CELF4: variants seen among roughly 807,000 people sequenced by gnomAD.
The protein encoded by CELF4 is CUG-BP- and ETR-3-like factor 4.
In CELF4, 18 loss-of-function variants were observed where a neutral mutation model predicts 59.9. The observed-to-expected ratio is 0.30, with a 90% CI of 0.21 to 0.45. CELF4 has a LOEUF of 0.45. CELF4 is among the 20% of genes least tolerant of loss of function. The probability of loss-of-function intolerance (pLI) is 1.00; values close to 1 mark genes in which losing one functional copy is unlikely to be tolerated. For missense variants in CELF4, 456 were observed against 689.0 expected, an observed-to-expected ratio of 0.66 and a Z score of 3.79; for synonymous variants, 261 against 267.1, an observed-to-expected ratio of 0.98 and a Z score of 0.22.
chr18:37,394,611 G>A (rs561977309), intron 2 of CELF4, among the ~76,000 whole-genome samples: 5 of 152,336 alleles, frequency 3.3e-5, no homozygotes, highest in Admixed American at 6.5e-5. Flanking sequence ...TAGAGACACA[G>A]ATGTCTTCAT....
At chr18:37,537,445 T>G (rs2154605306) in intron 1 of CELF4, among the ~76,000 whole-genome samples, 1 of 152,274 alleles carries the variant, frequency 6.6e-6, no homozygotes, top group Admixed American at 6.5e-5. Context: ...AAGGGCAACC[T>G]GAGTGCTAAC....
intron 2 of CELF4, among the ~76,000 whole-genome samples, chr18:37,484,692 G>T (rs967010717): frequency 6.6e-6 from 1 of 152,236 alleles, no homozygotes; most frequent in South Asian, 2.1e-4. Context: ...AAATGGAAAC[G>T]TGTGTTTACA....
intron 3 of CELF4, among the ~76,000 whole-genome samples, chr18:37,302,970 G>A (rs2096164247): frequency 6.6e-6 from 1 of 152,150 alleles, no homozygotes; most frequent in East Asian, 1.9e-4. Context: ...GAGTGGGAAG[G>A]GGGCTCCATC....
At chr18:37,307,472 T>TC (rs1407735648) in intron 3 of CELF4, among the ~76,000 whole-genome samples, 1 of 151,488 alleles carries the variant, frequency 6.6e-6, no homozygotes, top group Admixed American at 6.6e-5. Flanking sequence ...CTATAAATCT[T>TC]CCCCCCGTCC....
At chr18:37,448,977 A>G (rs940859543) in intron 2 of CELF4, among the ~76,000 whole-genome samples, 8 of 152,098 alleles carry the variant, frequency 5.3e-5, no homozygotes, top group Non-Finnish European at 1.0e-4. Flanking sequence ...AGCTCCCCCA[A>G]TGGGTTTGTC....
intron 3 of CELF4, among the ~76,000 whole-genome samples, chr18:37,303,936 G>A (rs1047480368): frequency 6.6e-6 from 1 of 152,196 alleles, no homozygotes; most frequent in African/African-American, 2.4e-5. Flanking sequence ...AGCATCATAG[G>A]AGAAGGCTTC....
intron 2 of CELF4, among the ~76,000 whole-genome samples, chr18:37,346,660 G>A (rs183608141): frequency 6.6e-6 from 1 of 152,296 alleles, no homozygotes; most frequent in East Asian, 1.9e-4. Context: ...AGGAAGCATC[G>A]CAGAGGAGTG....
intron 2 of CELF4, among the ~76,000 whole-genome samples, chr18:37,359,802 C>T (rs541636356): frequency 4.1e-4 from 63 of 152,062 alleles, no homozygotes; most frequent in African/African-American, 1.4e-3. Context: ...CCACCTCAGC[C>T]TCCTAAAGTG....
Position 37,549,668 on chromosome 18 carries a change from AT to A in CELF4, c.286+15687del, listed in dbSNP as rs148183933. 7.5e-3 allele frequency among the ~76,000 whole-genome samples: 1,145 copies of A among 152,352 alleles called. 16 individuals are homozygous for A. Among genetic ancestry groups the A allele is most frequent in the African/African-American group, 0.026 (1,088 of 41,586 alleles). ...CAATAGGGATAAAAAGAGGTACTAT[AT>A]AAGAAAGTATTTTACAGATTAAAAT... On this transcript the variant is annotated intron_variant, in intron 1 of 12. Coordinates refer to ENST00000420428, the MANE Select transcript of CELF4 (RefSeq NM_020180.4).
chr18:37,404,403 G>A (rs749042015), intron 2 of CELF4, among the ~76,000 whole-genome samples: 22 of 152,234 alleles, frequency 1.4e-4, no homozygotes, highest in African/African-American at 4.6e-4. Context: ...GGAGTTAAGT[G>A]TTTGTTTTCA....
At chr18:37,451,344 G>T (rs1229492603) in intron 2 of CELF4, among the ~76,000 whole-genome samples, 1 of 152,104 alleles carries the variant, frequency 6.6e-6, no homozygotes, top group Non-Finnish European at 1.5e-5. Flanking sequence ...GTGTGCTTCT[G>T]TGTGTCTGTG....
chr18:37,351,098 C>G (rs1156436274), intron 2 of CELF4, among the ~76,000 whole-genome samples: 1 of 152,058 alleles, frequency 6.6e-6, no homozygotes, highest in African/African-American at 2.4e-5. Context: ...TTTAAAAACG[C>G]AAAGGTGCTG....
intron 2 of CELF4, among the ~76,000 whole-genome samples, chr18:37,360,646 C>T (rs549268721): frequency 6.6e-6 from 1 of 152,222 alleles, no homozygotes; most frequent in Non-Finnish European, 1.5e-5. Context: ...CAGGCAGTCT[C>T]GTTGCAGGGC....
At chr18:37,508,894 G>A (rs2099941193) in intron 1 of CELF4, among the ~76,000 whole-genome samples, 1 of 152,202 alleles carries the variant, frequency 6.6e-6, no homozygotes, top group Admixed American at 6.5e-5. Flanking sequence ...GGAGAGAGAA[G>A]GGTGATCTCT....
In CELF4 at chr18:37,273,038, G is replaced by T; in HGVS notation, c.927C>A (p.Ala309=). 1 of 1,611,332 alleles carries T rather than the reference G, an allele frequency of 6.2e-7. No individual in the cohort carries two copies. The highest frequency in any genetic ancestry group is 8.5e-7 in the Non-Finnish European group (1 of 1,179,432). Residue 309 remains alanine, a synonymous_variant, in exon 7 of 13, where the codon GCC becomes GCA. Transcript: ENST00000420428. ...MAALNMNGLA[A]APMTPTSGGS... ...CACCTGAGGTTGGGGTCATAGGTGC[G>T]GCCGCCAGGCCATTCATGTTGAGGG...
At chr18:37,242,955 A>C, downstream of CELF4, 1 of 152,232 alleles carries the variant, frequency 6.6e-6, no homozygotes, top group Non-Finnish European at 1.5e-5. Context: ...CATAAAGAGG[A>C]CCAAAGCTAC....
At chr18:37,435,167 T>C (rs576158520) in intron 2 of CELF4, among the ~76,000 whole-genome samples, 155 of 152,306 alleles carry the variant, frequency 1.0e-3, no homozygotes, top group African/African-American at 3.5e-3. Flanking sequence ...TACTCTGACC[T>C]GACTGTGAAC....
chr18:37,387,333 G>A (rs1028972704), intron 2 of CELF4, among the ~76,000 whole-genome samples: 1 of 152,186 alleles, frequency 6.6e-6, no homozygotes, highest in East Asian at 1.9e-4. Flanking sequence ...AGCAGCAAGG[G>A]GCCCTCACAA....
intron 3 of CELF4, among the ~76,000 whole-genome samples, chr18:37,282,914 C>T (rs781724663): frequency 6.6e-6 from 1 of 152,190 alleles, no homozygotes; most frequent in Non-Finnish European, 1.5e-5. Context: ...GGGCTGGGAG[C>T]CGCCTCTGAG....
Sources: allele counts gnomAD v4.1 joint callset (sites outside exome capture counted in the v4.1 genomes callset), GRCh38; gene constraint gnomAD v4.1.1; transcripts MANE v1.5; gene names NCBI Gene and HGNC (gene_info 2026-07-23, HGNC 2026-07-21).